ZNF143: variants seen among roughly 807,000 people sequenced by gnomAD.
The protein encoded by ZNF143 is zinc finger protein 143.
Under a neutral mutation model 74.1 loss-of-function variants are expected in ZNF143, and 49 were observed. The ratio of observed to expected loss-of-function variants is 0.66; its 90% CI spans 0.53 to 0.84. The LOEUF (loss-of-function observed/expected upper bound fraction) is 0.84. ZNF143 is among the 40% of genes least tolerant of loss of function. The pLI, the probability that ZNF143 is intolerant of heterozygous loss-of-function variation, is 0.00. For missense variants in ZNF143, 637 were observed against 793.4 expected (o/e 0.80, Z 2.37); for synonymous variants, 304 against 282.8 (o/e 1.07, Z -0.75).
intron 7 of ZNF143, among the ~76,000 whole-genome samples, chr11:9,491,010 G>C (rs1268404865): frequency 2.0e-5 from 3 of 152,200 alleles, no homozygotes; most frequent in Non-Finnish European, 4.4e-5. Flanking sequence ...TGGAATTGTA[G>C]GCATGAACCA....
chr11:9,519,288 T>C (rs1417863143), intron 14 of ZNF143, among the ~76,000 whole-genome samples: 1 of 151,890 alleles, frequency 6.6e-6, no homozygotes, highest in Non-Finnish European at 1.5e-5. Context: ...CTCAGCTCAC[T>C]GCAACCTCCC....
chr11:9,489,647 C>G (rs1158178765), intron 7 of ZNF143, among the ~76,000 whole-genome samples: 1 of 152,154 alleles, frequency 6.6e-6, no homozygotes, highest in African/African-American at 2.4e-5. Context: ...ATGAGTCTCT[C>G]TGGAGTTATT....
In ZNF143 at chr11:9,472,778, C is replaced by T. The variant is rs753633543; in HGVS notation, c.205+9C>T. On this transcript the variant is annotated intron_variant, in intron 3 of 15. Transcript: ENST00000396602. ...ACAACACAATTCTAAAGGTATGTGC[C>T]TCACATATGGCTGATTGGTTAATAC... 2.6e-6 allele frequency: 4 copies of T among 1,552,628 alleles called. No homozygotes were observed. The highest frequency in any genetic ancestry group is 2.8e-5 in the African/African-American group (2 of 72,000).
chr11:9,524,691 C>CT (rs1167136043), intron 14 of ZNF143, among the ~76,000 whole-genome samples: 1 of 152,120 alleles, frequency 6.6e-6, no homozygotes, highest in Non-Finnish European at 1.5e-5. Flanking sequence ...ATCCTCCTGG[C>CT]TAGATGCTGC....
intron 7 of ZNF143, among the ~76,000 whole-genome samples, chr11:9,493,846 C>T (rs1847868382): frequency 6.6e-6 from 1 of 152,046 alleles, no homozygotes; most frequent in Non-Finnish European, 1.5e-5. Flanking sequence ...GTTATTACAT[C>T]CCAGAAAAAT....
chr11:9,493,334 T>C (rs1477965243), intron 7 of ZNF143, among the ~76,000 whole-genome samples: 1 of 152,094 alleles, frequency 6.6e-6, no homozygotes, highest in African/African-American at 2.4e-5. Context: ...CCTCACAAAG[T>C]TCTGGGATTA....
chr11:9,490,757 G>A (rs1273173449), intron 7 of ZNF143, among the ~76,000 whole-genome samples: 2 of 152,124 alleles, frequency 1.3e-5, no homozygotes, highest in South Asian at 2.1e-4. Context: ...TTTTGAGACA[G>A]GATCTCATTC....
intron 6 of ZNF143, 123 bp from the exon 7 acceptor site, chr11:9,479,349 A>G: frequency 1.7e-6 from 1 of 572,588 alleles, no homozygotes; most frequent in Non-Finnish European, 2.8e-6. Context: ...ATGATAATGA[A>G]GCCCCATGTA....
intron 7 of ZNF143, among the ~76,000 whole-genome samples, chr11:9,484,550 T>G (rs1026189667): frequency 6.7e-6 from 1 of 150,072 alleles, no homozygotes; most frequent in Non-Finnish European, 1.5e-5. Context: ...TTTTTCTACC[T>G]CTAAAAGAAA....
intron 14 of ZNF143, among the ~76,000 whole-genome samples, chr11:9,518,507 A>C (rs1483920531): frequency 1.3e-5 from 2 of 152,172 alleles, no homozygotes; most frequent in African/African-American, 4.8e-5. Context: ...GAGGTCAGGA[A>C]TTCAAGACCA....
chr11:9,486,417 ATAT>A (rs1237786785), intron 7 of ZNF143, among the ~76,000 whole-genome samples: 1 of 38,686 alleles, frequency 2.6e-5, no homozygotes, highest in Non-Finnish European at 4.9e-5. Context: ...TATATAATAT[ATAT>A]TATATATATT....
chr11:9,475,164 C>T (rs975523420), intron 5 of ZNF143, among the ~76,000 whole-genome samples: 10 of 152,128 alleles, frequency 6.6e-5, no homozygotes, highest in African/African-American at 2.4e-4. Flanking sequence ...TTAGCTACTG[C>T]ACCCAGCCTT....
rs545948276 is a variant in ZNF143 at position 9,502,862 on chromosome 11, C to T, written c.1147+1592C>T. On this transcript the variant is annotated intron_variant, in intron 11 of 15. Transcript: ENST00000396602. ...TATGTGGGGGGTTTTTGTCTGACTTCGTTCTCTTTGCATAATGGAGTGCAG... is the reference window on the plus strand; with the variant it reads ...TATGTGGGGGGTTTTTGTCTGACTTTGTTCTCTTTGCATAATGGAGTGCAG... Among the ~76,000 whole-genome samples, 4 of 151,954 alleles carry T rather than the reference C, an allele frequency of 2.6e-5. No homozygotes were observed. In the South Asian group the frequency reaches 6.2e-4, roughly 24 times the overall value.
At chr11:9,474,915 G>T (rs940358639) in intron 5 of ZNF143, among the ~76,000 whole-genome samples, 1 of 152,190 alleles carries the variant, frequency 6.6e-6, no homozygotes, top group African/African-American at 2.4e-5. Context: ...AAGAGACAGG[G>T]TCTCACTCTG....
chr11:9,516,081 C>G (rs1848712390), intron 13 of ZNF143, 120 bp from the exon 14 acceptor site: 3 of 653,942 alleles, frequency 4.6e-6, no homozygotes, highest in Non-Finnish European at 7.2e-6. Context: ...TTATTTCATT[C>G]TAAAAGGCTT....
intron 7 of ZNF143, among the ~76,000 whole-genome samples, chr11:9,487,161 G>A (rs576348355): frequency 3.5e-4 from 52 of 149,786 alleles, no homozygotes; most frequent in African/African-American, 1.3e-3. Flanking sequence ...GAGATGGGGT[G>A]TCACCATGTT....
In ZNF143 at chr11:9,496,283, T is replaced by A. The variant is rs774078186; in HGVS notation, c.766-20T>A. 9 of 1,612,038 alleles carry A rather than the reference T, an allele frequency of 5.6e-6. No homozygotes were observed. The highest frequency in any genetic ancestry group is 1.7e-5 in the Admixed American group (1 of 59,994). On this transcript the variant is annotated intron_variant, in intron 8 of 15. Coordinates refer to ENST00000396602, the MANE Select transcript of ZNF143 (RefSeq NM_003442.6). ...GGAATACGTAAAGGAAATAGAATCA[T>A]GCCTGCATTTTAATCACAGGTCCAT...
Position 9,508,619 on chromosome 11 carries a change from G to A in ZNF143, c.1148G>A (p.Gly383Glu). Residue 383 changes from glycine to glutamate, a missense_variant and splice_region_variant, in exon 12 of 16, where the codon GGA becomes GAA. Gly to Glu is a moderately conservative substitution (Grantham distance 98). Coordinates refer to ENST00000396602, the MANE Select transcript of ZNF143 (RefSeq NM_003442.6). ...NYKNHVRIHT[G>E]EKPYVCTVPG... is the part of the protein sequence containing the mutation. ...ACTTTTTTTTGGTGTTGCTCTTTAG[G>A]AGAAAAGCCATATGTTTGTACAGTT... is the stretch of plus-strand genomic sequence containing the variant. 3 of 1,609,378 alleles carry A rather than the reference G, an allele frequency of 1.9e-6. No individual in the cohort carries two copies. The highest frequency in any genetic ancestry group is 2.5e-6 in the Non-Finnish European group (3 of 1,179,482).
chr11:9,518,998 G>T (rs950381131), intron 14 of ZNF143, among the ~76,000 whole-genome samples: 3 of 152,010 alleles, frequency 2.0e-5, no homozygotes, highest in Non-Finnish European at 4.4e-5. Context: ...CTGCAATCTG[G>T]TTTTTTCTTA....
Sources: allele counts gnomAD v4.1 joint callset (sites outside exome capture counted in the v4.1 genomes callset), GRCh38; gene constraint gnomAD v4.1.1; transcripts MANE v1.5; gene names NCBI Gene and HGNC (gene_info 2026-07-23, HGNC 2026-07-21).